The following SLC7A13 variants were observed in gnomAD, a reference collection of about 807,000 sequenced individuals.
SLC7A13 encodes X-amino acid transporter 2.
SLC7A13 carries 31 observed loss-of-function variants against 32.0 expected under a neutral mutation model. The ratio of observed to expected loss-of-function variants is 0.97; its 90% CI spans 0.73 to 1.31. The LOEUF (loss-of-function observed/expected upper bound fraction) is 1.31, where lower values mean the gene tolerates loss of function less well. SLC7A13 is among the 50% of genes most tolerant of loss of function. The pLI is 0.00. For synonymous variants in SLC7A13, 232 were observed against 206.9 expected, an observed-to-expected ratio of 1.12 and a Z score of -1.04; for missense variants, 633 against 546.9, an observed-to-expected ratio of 1.16 and a Z score of -1.57.
At position 86,214,274 on chromosome 8, in the gene SLC7A13, A is replaced by T; in HGVS notation, c.*139T>A. ...TACTGTCTTAGGCACTTTTGTATAC[A>T]TTACTTATTTCATTTGAGAAAAAAA... On this transcript the variant is annotated 3_prime_UTR_variant, in exon 4 of 4. Transcript: ENST00000297524. 3 of 613,000 alleles carry T rather than the reference A, an allele frequency of 4.9e-6. No homozygotes were observed. The highest frequency in any genetic ancestry group is 8.4e-6 in the Non-Finnish European group (3 of 355,872). The allele number at this position is 613,000 out of a possible 1,614,324, so 38.0% of individuals were successfully genotyped here. A position where few individuals can be genotyped will look rare whatever the true frequency, so the allele number is the denominator to read the frequency against.
At chr8:86,223,535 A>G (rs1820339221) in intron 1 of SLC7A13, among the ~76,000 whole-genome samples, 1 of 152,144 alleles carries the variant, frequency 6.6e-6, no homozygotes, top group Non-Finnish European at 1.5e-5. Flanking sequence ...TCTGTGGTAT[A>G]TTATACACAC....
intron 2 of SLC7A13, among the ~76,000 whole-genome samples, chr8:86,218,654 C>CT (rs200038065): frequency 0.013 from 1,869 of 140,254 alleles, 11 homozygotes; most frequent in Middle Eastern, 0.022. Flanking sequence ...GAATATTCTA[C>CT]TTTTTTTTTT....
chr8:86,215,541 C>G (rs200471274), intron 3 of SLC7A13: 1 of 321,394 alleles, frequency 3.1e-6, no homozygotes, highest in South Asian at 2.3e-5. Context: ...CAAAAGTTAG[C>G]TGGGTGTGGT....
chr8:86,221,141 CTACT>C (rs1387303057), intron 2 of SLC7A13, among the ~76,000 whole-genome samples: 1 of 151,976 alleles, frequency 6.6e-6, no homozygotes, highest in African/African-American at 2.4e-5. Flanking sequence ...CCATTGTTAA[CTACT>C]TATTTACTGT....
At chr8:86,221,699 T>C (rs920268184) in intron 2 of SLC7A13, among the ~76,000 whole-genome samples, 1 of 143,974 alleles carries the variant, frequency 6.9e-6, no homozygotes, top group African/African-American at 2.6e-5. Context: ...TGTAGCCAAA[T>C]TAAAAGTGAT....
chr8:86,223,690 T>C lies in SLC7A13; in HGVS notation c.686-587A>G, dbSNP rs139533328. Among the ~76,000 whole-genome samples, 161 of 152,080 alleles carry C rather than the reference T, an allele frequency of 1.1e-3. 1 individual carries two copies. The highest frequency in any genetic ancestry group is 3.7e-3 in the African/African-American group (152 of 41,496). On this transcript the variant is annotated intron_variant, in intron 1 of 3. Coordinates refer to ENST00000297524, the MANE Select transcript of SLC7A13 (RefSeq NM_138817.3). ...AAATCTCCATACTGTTTTCCATAGA[T>C]ATTATACTAATTTACATTCCCACCA... is the stretch of plus-strand genomic sequence containing the variant.
chr8:86,219,376 T>C (rs1217509054), intron 2 of SLC7A13, among the ~76,000 whole-genome samples: 1 of 152,224 alleles, frequency 6.6e-6, no homozygotes, highest in African/African-American at 2.4e-5. Context: ...ACATCATCTT[T>C]AGCTCTATGC....
rs59737111 is a variant in SLC7A13, at chr8:86,223,793, GCACACA to G, written c.686-696_686-691del. ...ACCACCACTACACATACACTAAAAT[GCACACA>G]CACACACACACACACACACACTGGT... is the stretch of plus-strand genomic sequence containing the variant. On this transcript the variant is annotated intron_variant, in intron 1 of 3. Coordinates refer to ENST00000297524, the MANE Select transcript of SLC7A13 (RefSeq NM_138817.3). 1.7e-3 allele frequency among the ~76,000 whole-genome samples: 246 copies of G among 147,102 alleles called. 5 individuals are homozygous for G. The East Asian group carries it at 0.043, about 26-fold the overall frequency.
At chr8:86,226,189 C>T (rs1820386855) in intron 1 of SLC7A13, among the ~76,000 whole-genome samples, 1 of 152,146 alleles carries the variant, frequency 6.6e-6, no homozygotes, top group Non-Finnish European at 1.5e-5. Flanking sequence ...TGAAACATCT[C>T]TGCAATGGGA....
At chr8:86,225,456 G>A (rs1397942463) in intron 1 of SLC7A13, among the ~76,000 whole-genome samples, 1 of 151,920 alleles carries the variant, frequency 6.6e-6, no homozygotes, top group Non-Finnish European at 1.5e-5. Flanking sequence ...TAAAGCTTTG[G>A]GACAAACAAA....
intron 1 of SLC7A13, 100 bp from the exon 2 acceptor site, chr8:86,223,203 T>G (rs1820335252): frequency 8.4e-7 from 1 of 1,188,470 alleles, no homozygotes; most frequent in East Asian, 2.8e-5. Context: ...ATTAATGGGG[T>G]ACAAGCATGA....
intron 2 of SLC7A13, among the ~76,000 whole-genome samples, chr8:86,221,487 T>C (rs1474349560): frequency 6.6e-6 from 1 of 152,114 alleles, no homozygotes. Context: ...TATTATACTT[T>C]AAGTTTTAGG....
intron 1 of SLC7A13, among the ~76,000 whole-genome samples, chr8:86,227,522 A>G (rs1163441066): frequency 2.0e-5 from 3 of 152,220 alleles, no homozygotes; most frequent in African/African-American, 4.8e-5. Flanking sequence ...CTCTTTAAAG[A>G]TACTTAAGAA....
At chr8:86,221,744 G>C (rs933348157) in intron 2 of SLC7A13, among the ~76,000 whole-genome samples, 6 of 151,970 alleles carry the variant, frequency 3.9e-5, no homozygotes, top group Non-Finnish European at 5.9e-5. Context: ...TTCCACACAT[G>C]CCAAAATCAT....
intron 2 of SLC7A13, among the ~76,000 whole-genome samples, chr8:86,218,808 T>C (rs998667208): frequency 2.0e-5 from 3 of 152,054 alleles, no homozygotes; most frequent in Non-Finnish European, 4.4e-5. Flanking sequence ...CTAGGACAGA[T>C]CACTCAGTCA....
In SLC7A13 at chr8:86,230,124, C is replaced by A; in HGVS notation, c.154G>T (p.Val52Phe). ...GCCAGTATGGCACAGCCAGCCCAAA[C>A]GCACAGGGAGACTCCCACGTTCATG... ...SCMNVGVSLC[V>F]WAGCAILAMT... Residue 52 changes from valine (V) to phenylalanine (F), a missense_variant, in exon 1 of 4, where the codon GTT becomes TTT. Coordinates refer to ENST00000297524, the MANE Select transcript of SLC7A13 (RefSeq NM_138817.3). The A allele has an allele frequency of 6.2e-7, 1 of 1,614,148 alleles. No individual in the cohort carries two copies. Among genetic ancestry groups the A allele is most frequent in the Non-Finnish European group, 8.5e-7 (1 of 1,180,024 alleles).
In SLC7A13 at chr8:86,227,868, T is replaced by C. The variant is rs554541409; in HGVS notation, c.685+1725A>G. Among the ~76,000 whole-genome samples, 20 of 152,250 alleles carry C rather than the reference T, an allele frequency of 1.3e-4. No homozygotes were observed. In the South Asian group the frequency reaches 2.7e-3, roughly 21 times the overall value. On this transcript the variant is annotated intron_variant, in intron 1 of 3. Transcript: ENST00000297524. The stretch of plus-strand genomic sequence containing the variant: ...ATCAAATACTGCATATTCTCACTTA[T>C]ATATGGGAGCTAAACAGTAAGTACA...
chr8:86,224,675 T>C (rs148144438), intron 1 of SLC7A13, among the ~76,000 whole-genome samples: 2 of 152,116 alleles, frequency 1.3e-5, no homozygotes, highest in Non-Finnish European at 2.9e-5. Flanking sequence ...ATCTATAACC[T>C]TAATATACAA....
At chr8:86,227,809 C>T (rs1241157606) in intron 1 of SLC7A13, among the ~76,000 whole-genome samples, 2 of 152,092 alleles carry the variant, frequency 1.3e-5, no homozygotes, top group African/African-American at 4.8e-5. Context: ...AACTAGAGAC[C>T]ATCATCCTAA....
Sources: allele counts gnomAD v4.1 joint callset (sites outside exome capture counted in the v4.1 genomes callset), GRCh38; gene constraint gnomAD v4.1.1; transcripts MANE v1.5; gene names NCBI Gene and HGNC (gene_info 2026-07-23, HGNC 2026-07-21).